Variants in CNTN5 observed in about 807,000 individuals in gnomAD.
CNTN5 encodes the protein contactin-5.
In CNTN5, 77 loss-of-function variants were observed where a neutral mutation model predicts 129.1. The ratio of observed to expected loss-of-function variants is 0.60; its 90% CI spans 0.50 to 0.72. The LOEUF (loss-of-function observed/expected upper bound fraction) is 0.72, where lower values mean the gene tolerates loss of function less well. Ranked by LOEUF, CNTN5 falls within the 30% of genes least tolerant of loss-of-function variation. The probability of loss-of-function intolerance (pLI) is 0.00; values close to 1 mark genes in which losing one functional copy is unlikely to be tolerated. For missense variants in CNTN5, 1,478 were observed against 1,328.8 expected (o/e 1.11, Z -1.75); for synonymous variants, 509 against 465.6 (o/e 1.09, Z -1.20).
intron 3 of CNTN5, among the ~76,000 whole-genome samples, chr11:99,753,313 G>A (rs965904595): frequency 3.3e-5 from 5 of 151,022 alleles, no homozygotes; most frequent in African/African-American, 1.2e-4. Flanking sequence ...TAGTAGAGAT[G>A]GGGTTTCACC....
chr11:99,689,493 C>T (rs1458418208), intron 3 of CNTN5, among the ~76,000 whole-genome samples: 1 of 135,150 alleles, frequency 7.4e-6, no homozygotes, highest in East Asian at 2.4e-4. Context: ...CGCCACTGCA[C>T]TCTACCCTGG....
chr11:99,033,378 T>C (rs1863508572), intron 1 of CNTN5, among the ~76,000 whole-genome samples: 1 of 152,148 alleles, frequency 6.6e-6, no homozygotes, highest in Non-Finnish European at 1.5e-5. Context: ...ATTTTCACGA[T>C]ATTGATTCTT....
At chr11:100,347,484 A>G (rs1484634173) in intron 23 of CNTN5, among the ~76,000 whole-genome samples, 1 of 152,108 alleles carries the variant, frequency 6.6e-6, no homozygotes, top group Non-Finnish European at 1.5e-5. Flanking sequence ...TATGCCTGAA[A>G]TTTCTCAGAA....
At chr11:99,490,311 T>G (rs1220446717) in intron 2 of CNTN5, among the ~76,000 whole-genome samples, 1 of 152,132 alleles carries the variant, frequency 6.6e-6, no homozygotes, top group East Asian at 1.9e-4. Context: ...ATTACATAAT[T>G]TTTTTTCTCC....
At chr11:100,216,877 A>C (rs1949148490) in intron 15 of CNTN5, among the ~76,000 whole-genome samples, 1 of 152,130 alleles carries the variant, frequency 6.6e-6, no homozygotes, top group African/African-American at 2.4e-5. Context: ...AGGTTCAAGC[A>C]AAACAAGGAG....
At chr11:99,677,177 T>C (rs1010079622) in intron 3 of CNTN5, among the ~76,000 whole-genome samples, 4 of 152,192 alleles carry the variant, frequency 2.6e-5, no homozygotes, top group African/African-American at 9.6e-5. Flanking sequence ...AATTTGCTTA[T>C]TGAATTCCAA....
chr11:99,209,028 A>G (rs184277027), intron 1 of CNTN5, among the ~76,000 whole-genome samples: 8 of 152,176 alleles, frequency 5.3e-5, no homozygotes, highest in Non-Finnish European at 8.8e-5. Context: ...CAAATATAAA[A>G]TCTATTTTAA....
chr11:99,597,347 C>A lies in CNTN5; in HGVS notation c.55+41078C>A, dbSNP rs118047829. On this transcript the variant is annotated intron_variant, in intron 3 of 24. Transcript: ENST00000524871. The stretch of plus-strand genomic sequence containing the variant: ...AGTCCACCTTTGTATGCTTTCAATT[C>A]CTTCAGGTTTGAGTAGTCTCTAGTA... Among the ~76,000 whole-genome samples, 7 of 152,202 alleles carry A rather than the reference C, an allele frequency of 4.6e-5. No homozygotes were observed. The East Asian group carries it at 1.2e-3, about 25-fold the overall frequency.
At chr11:99,134,786 C>T (rs2155559) in intron 1 of CNTN5, among the ~76,000 whole-genome samples, 138,405 of 152,240 alleles carry the variant, frequency 0.91, 63,167 homozygotes, top group East Asian at 0.99. Flanking sequence ...TATTGTGGAA[C>T]AATGCACAGC....
chr11:99,783,991 C>T (rs1252866346), intron 3 of CNTN5, among the ~76,000 whole-genome samples: 1 of 151,906 alleles, frequency 6.6e-6, no homozygotes, highest in Non-Finnish European at 1.5e-5. Context: ...GTATGAAATA[C>T]CTAGCTGTTT....
At chr11:99,244,619 C>A (rs189405090) in intron 1 of CNTN5, among the ~76,000 whole-genome samples, 64 of 152,246 alleles carry the variant, frequency 4.2e-4, no homozygotes, top group Non-Finnish European at 7.1e-4. Flanking sequence ...TTAAGGCAGT[C>A]CTTCAGAATG....
chr11:99,963,175 T>G (rs947395548), intron 8 of CNTN5, among the ~76,000 whole-genome samples: 1 of 152,224 alleles, frequency 6.6e-6, no homozygotes, highest in Non-Finnish European at 1.5e-5. Flanking sequence ...AGATCCCATT[T>G]GTCAATTTTG....
chr11:100,201,269 A>G (rs553548408), intron 15 of CNTN5, among the ~76,000 whole-genome samples: 2 of 152,100 alleles, frequency 1.3e-5, no homozygotes, highest in African/African-American at 2.4e-5. Context: ...GTAATTGTAC[A>G]TTGAAGAGCA....
intron 4 of CNTN5, among the ~76,000 whole-genome samples, chr11:99,843,257 T>C (rs932856854): frequency 5.3e-5 from 8 of 152,144 alleles, no homozygotes; most frequent in African/African-American, 1.9e-4. Flanking sequence ...CTAGGTTATC[T>C]AGGATTCAAA....
chr11:99,969,135 A>AT (rs34038927), intron 8 of CNTN5, among the ~76,000 whole-genome samples: 39,471 of 151,984 alleles, frequency 0.26, 5,973 homozygotes, highest in South Asian at 0.35. Flanking sequence ...TATAAAGAGA[A>AT]TTTTTTATCA....
At chr11:99,573,823 TC>T (rs1949259629) in intron 3 of CNTN5, among the ~76,000 whole-genome samples, 1 of 151,990 alleles carries the variant, frequency 6.6e-6, no homozygotes, top group South Asian at 2.1e-4. Flanking sequence ...CATATGTAAT[TC>T]TTTGAAACTT....
chr11:99,915,995 C>T, intron 6 of CNTN5, 59 bp from the exon 7 acceptor site: 3 of 1,306,992 alleles, frequency 2.3e-6, no homozygotes, highest in Non-Finnish European at 3.3e-6. Context: ...AAGTTACAAT[C>T]ATAGCAATTC....
At chr11:99,205,680 A>G (rs1859443207) in intron 1 of CNTN5, among the ~76,000 whole-genome samples, 1 of 152,162 alleles carries the variant, frequency 6.6e-6, no homozygotes, top group Non-Finnish European at 1.5e-5. Flanking sequence ...TCTCTTTCCC[A>G]CGCAAAAGGG....
chr11:100,248,325 G>T (rs1015885032), intron 16 of CNTN5, among the ~76,000 whole-genome samples: 1 of 152,074 alleles, frequency 6.6e-6, no homozygotes, highest in South Asian at 2.1e-4. Flanking sequence ...GTTTGGGACT[G>T]CTTGAGGCCA....
Sources: allele counts gnomAD v4.1 joint callset (sites outside exome capture counted in the v4.1 genomes callset), GRCh38; gene constraint gnomAD v4.1.1; transcripts MANE v1.5; gene names NCBI Gene and HGNC (gene_info 2026-07-23, HGNC 2026-07-21).